SP140: variants seen among roughly 807,000 people sequenced by gnomAD.
The protein encoded by SP140 is SP140 nuclear body protein, also known as nuclear body protein SP140.
SP140 carries 81 observed loss-of-function variants against 125.0 expected under a neutral mutation model. The ratio of observed to expected loss-of-function variants is 0.65; its 90% CI spans 0.54 to 0.78. The LOEUF (loss-of-function observed/expected upper bound fraction) is 0.78, where lower values mean the gene tolerates loss of function less well. Ranked by LOEUF, SP140 falls within the 30% of genes least tolerant of loss-of-function variation. SP140 has a pLI of 0.00. For missense variants in SP140, 858 were observed against 1,037.0 expected (o/e 0.83, Z 2.37); for synonymous variants, 312 against 354.0 (o/e 0.88, Z 1.33).
chr2:230,193,486 T>C, the SP140 span, among the ~76,000 whole-genome samples: 3 of 152,362 alleles, frequency 2.0e-5, no homozygotes, highest in East Asian at 5.8e-4. Context: ...TGTATTCTGG[T>C]GCATATCAAT....
At chr2:230,200,995 C>G, upstream of SP140, 1 of 1,529,088 alleles carries the variant, frequency 6.5e-7, no homozygotes, top group African/African-American at 1.4e-5. Context: ...AGTAAATGCC[C>G]CTTGGGAAAC....
chr2:230,236,739 A>G lies in SP140; in HGVS notation c.60-344A>G, dbSNP rs548849201. Among the ~76,000 whole-genome samples the G allele has an allele frequency of 2.0e-5, 3 of 152,352 alleles. No homozygotes were observed. The East Asian group carries it at 5.8e-4, about 29-fold the overall frequency. On this transcript the variant is annotated intron_variant, in intron 1 of 26. Coordinates refer to ENST00000392045, the MANE Select transcript of SP140 (RefSeq NM_007237.5). ...CCCTCAAAGTTGGCATATAAAATTA[A>G]TTACCACAGTATCATGTCAATTCCT...
chr2:230,310,126 G>A, intron 23 of SP140, 87 bp downstream of exon 23: 1 of 1,293,880 alleles, frequency 7.7e-7, no homozygotes, highest in Non-Finnish European at 1.1e-6. Flanking sequence ...GCCGGCTTGT[G>A]TCTAGATGGG....
rs1384657925 is a variant in SP140 at position 230,237,136 on chromosome 2, G to T, written c.113G>T (p.Cys38Phe). 1.2e-6 allele frequency: 2 copies of T among 1,612,560 alleles called. No individual in the cohort carries two copies. Among genetic ancestry groups the T allele is most frequent in the South Asian group, 2.2e-5 (2 of 90,776 alleles). ...GGTCAGAACCTGCAGGAGCAGGTTT[G>T]CCCTGAGCCCATTTTCAGGTTCTTC... ...VEGQNLQEQV[C>F]PEPIFRFFRE... The change falls in exon 2 of 27, where the codon TGC (cysteine) becomes TTC (phenylalanine). Residue 38 changes from cysteine (C) to phenylalanine (F), a missense_variant. By Grantham distance (205) the Cys-to-Phe change is radical (BLOSUM62 -2). Transcript: ENST00000392045. This position sits in a 1 kb window ranked among gnomAD's most constrained non-coding sequence, Gnocchi z 5.4.
At chr2:230,196,699 C>G in the SP140 span, among the ~76,000 whole-genome samples, 91 of 151,554 alleles carry the variant, frequency 6.0e-4, 2 homozygotes, top group Non-Finnish European at 1.1e-3. Flanking sequence ...CTCCTCCCCG[C>G]ACCCCACAAC....
chr2:230,286,619 C>G (rs2056414750), intron 17 of SP140, among the ~76,000 whole-genome samples: 1 of 152,172 alleles, frequency 6.6e-6, no homozygotes, highest in Non-Finnish European at 1.5e-5. Context: ...GGCATCACAG[C>G]TTGACTTATT....
downstream of SP140, among the ~76,000 whole-genome samples, chr2:230,315,240 G>A (rs12615773): frequency 0.1 from 15,786 of 152,208 alleles, 925 homozygotes; most frequent in East Asian, 0.27. Context: ...TGGAAATGAG[G>A]GCAGTTTCTC....
chr2:230,272,699 G>A (rs1044039978), intron 15 of SP140, among the ~76,000 whole-genome samples: 1 of 151,960 alleles, frequency 6.6e-6, no homozygotes, highest in African/African-American at 2.4e-5. Flanking sequence ...TATGAAAACA[G>A]ACTAATACAG....
At chr2:230,199,872 T>C (rs987298207), upstream of SP140, among the ~76,000 whole-genome samples, 5 of 152,182 alleles carry the variant, frequency 3.3e-5, no homozygotes, top group African/African-American at 7.2e-5. Context: ...TTCCTTTCTA[T>C]GGAGAACGAT....
Position 230,284,371 on chromosome 2 carries a change from C to T in SP140, c.1524C>T (p.Ser508=). The T allele has an allele frequency of 6.2e-7, 1 of 1,606,628 alleles. No homozygotes were observed. Residue 508 remains serine (S), a synonymous_variant, in exon 16 of 27, where the codon AGC becomes AGT. Coordinates refer to ENST00000392045, the MANE Select transcript of SP140 (RefSeq NM_007237.5). The part of the protein sequence containing the change: ...KRRKKRGHGW[S]RMRMRRQENS... ...GAAAAAAGAGGGGGCATGGCTGGAG[C>T]AGAATGAGAATGAGAAGGCAGGAAA...
chr2:230,240,467 A>G (rs1480504634), intron 3 of SP140, among the ~76,000 whole-genome samples: 1 of 152,242 alleles, frequency 6.6e-6, no homozygotes. Context: ...TAAATGAATA[A>G]TAAAAGGACA....
chr2:230,187,848 G>A, the SP140 span, among the ~76,000 whole-genome samples: 1 of 151,942 alleles, frequency 6.6e-6, no homozygotes, highest in African/African-American at 2.4e-5. Context: ...TCCATTGGTC[G>A]ATGTATCTAC....
At chr2:230,201,061 T>G, upstream of SP140, 1 of 921,506 alleles carries the variant, frequency 1.1e-6, no homozygotes, top group Non-Finnish European at 1.8e-6. Flanking sequence ...TGAAGTTGAG[T>G]CTTGGAGGCT....
At chr2:230,188,045 A>G in the SP140 span, among the ~76,000 whole-genome samples, 1 of 152,088 alleles carries the variant, frequency 6.6e-6, no homozygotes, top group African/African-American at 2.4e-5. Flanking sequence ...TTGATATTTG[A>G]TAAGAATTGC....
intron 22 of SP140, among the ~76,000 whole-genome samples, chr2:230,301,372 T>A (rs775803747): frequency 1.6e-4 from 24 of 152,080 alleles, no homozygotes; most frequent in Admixed American, 7.2e-4. Context: ...AAGGAAAGAA[T>A]CTATGAAGCA....
At chr2:230,287,167 G>A (rs536506541) in intron 17 of SP140, among the ~76,000 whole-genome samples, 14 of 152,256 alleles carry the variant, frequency 9.2e-5, no homozygotes, top group South Asian at 2.1e-4. Context: ...TGAAGGCTGC[G>A]GAAATCTCAA....
chr2:230,246,073 C>T, intron 7 of SP140, 133 bp downstream of exon 7: 1 of 637,566 alleles, frequency 1.6e-6, no homozygotes, highest in South Asian at 1.8e-5. Flanking sequence ...ATTCATCCAT[C>T]CATCCATATA....
intron 6 of SP140, 118 bp downstream of exon 6, chr2:230,245,198 G>T: frequency 1.2e-5 from 8 of 673,998 alleles, no homozygotes; most frequent in Non-Finnish European, 1.8e-5. Context: ...TCAGCCTGTG[G>T]TTGTTTTCCC....
chr2:230,258,061 C>T (rs2051553041), intron 12 of SP140, among the ~76,000 whole-genome samples: 1 of 152,042 alleles, frequency 6.6e-6, no homozygotes, highest in Non-Finnish European at 1.5e-5. Context: ...TGGCCAGAAG[C>T]TATTGTTGAT....
Sources: allele counts gnomAD v4.1 joint callset (sites outside exome capture counted in the v4.1 genomes callset), GRCh38; gene constraint gnomAD v4.1.1; non-coding constraint Gnocchi (gnomAD v3.1); transcripts MANE v1.5; gene names NCBI Gene and HGNC (gene_info 2026-07-23, HGNC 2026-07-21).